The following IRAK1BP1 variants were observed in gnomAD, a reference collection of about 807,000 sequenced individuals.
The protein encoded by IRAK1BP1 is interleukin 1 receptor associated kinase 1 binding protein 1.
In IRAK1BP1, 24 loss-of-function variants were observed where a neutral mutation model predicts 28.0. The observed-to-expected ratio is 0.86, with a 90% CI of 0.62 to 1.20. The LOEUF is 1.20. Ranked by LOEUF, IRAK1BP1 falls within the 50% of genes most tolerant of loss-of-function variation. The pLI, the probability that IRAK1BP1 is intolerant of heterozygous loss-of-function variation, is 0.00. For synonymous variants in IRAK1BP1, 131 were observed against 116.3 expected (o/e 1.13, Z -0.81); for missense variants, 336 against 316.7 (o/e 1.06, Z -0.46).
At chr6:78,935,728 C>CT in intron 4 of IRAK1BP1, 1 of 985,220 alleles carries the variant, frequency 1.0e-6, no homozygotes, top group Non-Finnish European at 1.2e-6. Flanking sequence ...ACTGGAAACT[C>CT]TAATGAACCA....
At position 78,897,900 on chromosome 6, in the gene IRAK1BP1, C is replaced by T. The variant is rs1448505613; in HGVS notation, c.453C>T (p.Ser151=). The T allele has an allele frequency of 6.2e-6, 10 of 1,613,758 alleles. No individual in the cohort carries two copies. The highest frequency in any genetic ancestry group is 4.5e-5 in the East Asian group (2 of 44,858). Residue 151 remains serine, a synonymous_variant, in exon 3 of 4, where the codon AGC becomes AGT. Coordinates refer to ENST00000369940, the MANE Select transcript of IRAK1BP1 (RefSeq NM_001010844.4). ...ACTTTCTTGTTGAAAAGCTAGATAG[C>T]TCTGTTGTCATCAGCCCACCCCAGT... The part of the protein sequence containing the change: ...ICNFLVEKLD[S]SVVISPPQFY...
chr6:78,946,241 T>A (rs1173079343), exon 5 of IRAK1BP1: 1 of 1,613,244 alleles, frequency 6.2e-7, no homozygotes, highest in Admixed American at 1.7e-5. Flanking sequence ...GGTTTTAAGA[T>A]CCTTTTTTTC....
chr6:78,907,312 T>C (rs1562093327), downstream of IRAK1BP1, among the ~76,000 whole-genome samples: 1 of 152,244 alleles, frequency 6.6e-6, no homozygotes, highest in Non-Finnish European at 1.5e-5. Context: ...GCTTTCTTCC[T>C]AGTTATACCT....
At chr6:78,946,342 T>C in exon 5 of IRAK1BP1, 1 of 1,440,276 alleles carries the variant, frequency 6.9e-7, no homozygotes, top group Non-Finnish European at 9.3e-7. Flanking sequence ...TTGGATTCAA[T>C]ATTTGTACTA....
intron 2 of IRAK1BP1, among the ~76,000 whole-genome samples, chr6:78,894,587 A>G (rs2127652508): frequency 6.6e-6 from 1 of 152,338 alleles, no homozygotes; most frequent in Non-Finnish European, 1.5e-5. Context: ...TGATATAACT[A>G]CAAGGAAAAA....
At chr6:78,909,770 C>T (rs1056359453) in intron 4 of IRAK1BP1, among the ~76,000 whole-genome samples, 5 of 152,160 alleles carry the variant, frequency 3.3e-5, no homozygotes, top group African/African-American at 7.2e-5. Flanking sequence ...GATTCAAACA[C>T]GCTAAATCAA....
At chr6:78,955,664 GT>G in the IRAK1BP1 span, 1 of 1,072,874 alleles carries the variant, frequency 9.3e-7, no homozygotes, top group Non-Finnish European at 1.4e-6. Context: ...GTGGAATTAT[GT>G]TATAACAAGT....
At chr6:78,919,290 A>G (rs1772655099) in intron 4 of IRAK1BP1, among the ~76,000 whole-genome samples, 1 of 152,172 alleles carries the variant, frequency 6.6e-6, no homozygotes, top group Non-Finnish European at 1.5e-5. Context: ...AGGAACTAGA[A>G]AAACAAGAAC....
chr6:78,974,859 T>G, the IRAK1BP1 span, among the ~76,000 whole-genome samples: 25 of 151,054 alleles, frequency 1.7e-4, no homozygotes, highest in East Asian at 9.7e-4. Context: ...AATAACAAGA[T>G]CTGAAATTGT....
the IRAK1BP1 span, among the ~76,000 whole-genome samples, chr6:78,969,249 A>G: frequency 6.6e-6 from 1 of 152,220 alleles, no homozygotes; most frequent in Non-Finnish European, 1.5e-5. Flanking sequence ...AGACTGGTAT[A>G]TCAATTGATG....
Position 78,898,425 on chromosome 6 carries a change from TATATA to T in IRAK1BP1, c.*92_*96del. 1 of 158,274 alleles carries T rather than the reference TATATA, an allele frequency of 6.3e-6. No individual in the cohort carries two copies. The highest frequency in any genetic ancestry group is 2.0e-4 in the East Asian group (1 of 5,040). The allele number at this position is 158,274 out of a possible 1,614,324, so 9.8% of individuals were successfully genotyped here. On this transcript the variant is annotated 3_prime_UTR_variant, in exon 4 of 4. Coordinates refer to ENST00000369940, the MANE Select transcript of IRAK1BP1 (RefSeq NM_001010844.4). Reference sequence around the variant, plus strand: ...CGTTTGTCCTGAATATATATATATATATATATATATATATATATATGGTATAGGAG... The same window carrying T: ...CGTTTGTCCTGAATATATATATATATTATATATATATATATGGTATAGGAG...
At chr6:78,945,939 A>T (rs1176921366) in exon 5 of IRAK1BP1, 2 of 1,234,146 alleles carry the variant, frequency 1.6e-6, no homozygotes. Context: ...TGCATTTGGC[A>T]AAGTAAAAGC....
chr6:78,915,542 A>C (rs1054911802), intron 4 of IRAK1BP1, among the ~76,000 whole-genome samples: 30 of 152,300 alleles, frequency 2.0e-4, no homozygotes, highest in African/African-American at 6.5e-4. Context: ...CTAGCCAATA[A>C]TGAGTACACA....
At chr6:78,924,716 C>T (rs1490857343) in intron 4 of IRAK1BP1, among the ~76,000 whole-genome samples, 2 of 152,138 alleles carry the variant, frequency 1.3e-5, no homozygotes, top group East Asian at 1.9e-4. Context: ...AAAGCTTATC[C>T]ACCATGATCA....
intron 1 of IRAK1BP1, among the ~76,000 whole-genome samples, chr6:78,882,019 G>A (rs541593007): frequency 6.6e-6 from 1 of 152,138 alleles, no homozygotes; most frequent in Admixed American, 6.5e-5. Flanking sequence ...GTATATATAT[G>A]TCTATGCATA....
the IRAK1BP1 span, among the ~76,000 whole-genome samples, chr6:78,966,833 A>C: frequency 2.6e-5 from 4 of 152,202 alleles, no homozygotes; most frequent in Admixed American, 2.6e-4. Context: ...ACAGTACTTG[A>C]GTTTTCTCGT....
intron 4 of IRAK1BP1, among the ~76,000 whole-genome samples, chr6:78,941,520 GAC>G (rs10574664): frequency 0.015 from 2,312 of 152,220 alleles, 19 homozygotes; most frequent in Non-Finnish European, 0.024. Flanking sequence ...AATTAAAAGA[GAC>G]AGATTCTTAA....
chr6:78,941,283 C>T, intron 4 of IRAK1BP1: 1 of 1,613,536 alleles, frequency 6.2e-7, no homozygotes, highest in Non-Finnish European at 8.5e-7. Flanking sequence ...CCTCCATGGC[C>T]ATTTACTTGA....
the IRAK1BP1 span, among the ~76,000 whole-genome samples, chr6:78,967,136 ATAAAAAC>A: frequency 6.6e-6 from 1 of 152,222 alleles, no homozygotes; most frequent in East Asian, 1.9e-4. Context: ...TTAAAAGTTT[ATAAAAAC>A]ATATAGCATG....
Sources: allele counts gnomAD v4.1 joint callset (sites outside exome capture counted in the v4.1 genomes callset), GRCh38; gene constraint gnomAD v4.1.1; transcripts MANE v1.5; gene names NCBI Gene and HGNC (gene_info 2026-07-23, HGNC 2026-07-21).